Variants in LARGE1 observed in about 807,000 individuals in gnomAD.
LARGE1 encodes LARGE xylosyl- and glucuronyltransferase 1.
Under a neutral mutation model 87.6 loss-of-function variants are expected in LARGE1, and 43 were observed. The ratio of observed to expected loss-of-function variants is 0.49; its 90% CI spans 0.38 to 0.63. LARGE1 has a LOEUF of 0.63. LARGE1 is among the 30% of genes least tolerant of loss of function. The pLI is 0.00. For synonymous variants in LARGE1, 434 were observed against 394.6 expected, an observed-to-expected ratio of 1.10 and a Z score of -1.18; for missense variants, 802 against 1,000.2, an observed-to-expected ratio of 0.80 and a Z score of 2.67.
At chr22:33,818,501 T>C (rs2086724017) in intron 1 of LARGE1, among the ~76,000 whole-genome samples, 1 of 152,146 alleles carries the variant, frequency 6.6e-6, no homozygotes, top group African/African-American at 2.4e-5. Context: ...AGCTTGTAAC[T>C]GACCTGAGAG....
rs142978441 is a variant in LARGE1, at chr22:33,604,569, T to C, written c.492-11A>G. The C allele has an allele frequency of 5.5e-5, 88 of 1,613,624 alleles. No individual in the cohort carries two copies. The Middle Eastern group carries it at 1.2e-3, about 21-fold the overall frequency. The stretch of plus-strand genomic sequence containing the variant: ...TGCAGAGGGTTCCGTCTGTGGGGAG[T>C]GTGAGAAGGAAGGGTCAGGTGGAGA... On this transcript the variant is annotated splice_polypyrimidine_tract_variant and intron_variant, in intron 4 of 14. Transcript: ENST00000397394.
chr22:33,074,653 C>T, the LARGE1 span, among the ~76,000 whole-genome samples: 7 of 151,918 alleles, frequency 4.6e-5, no homozygotes, highest in East Asian at 1.9e-4. Flanking sequence ...CCAGCCTGGG[C>T]GACAGAGTGA....
At chr22:33,650,099 G>A (rs1234305911) in intron 3 of LARGE1, among the ~76,000 whole-genome samples, 2 of 152,168 alleles carry the variant, frequency 1.3e-5, no homozygotes, top group African/African-American at 4.8e-5. Context: ...AGAAACAAGC[G>A]GTAGGTTCCA....
At chr22:33,290,310 A>T (rs1932304668) in intron 12 of LARGE1, among the ~76,000 whole-genome samples, 1 of 152,200 alleles carries the variant, frequency 6.6e-6, no homozygotes, top group South Asian at 2.1e-4. Context: ...TGCACTGCCT[A>T]GTTCTGACAA....
Position 33,566,697 on chromosome 22 carries a change from C to A in LARGE1, c.616-1678G>T, listed in dbSNP as rs8138595. On this transcript the variant is annotated intron_variant, in intron 5 of 14. Transcript: ENST00000397394. ...TTTTATTCCCTTATTTCTCCCTGCC[C>A]ACATCCTGCTGATTGGTCCATTTTA... Among the ~76,000 whole-genome samples, 270 of 152,290 alleles carry A rather than the reference C, an allele frequency of 1.8e-3. 3 individuals carry two copies. The highest frequency in any genetic ancestry group is 6.3e-3 in the African/African-American group (263 of 41,562).
At chr22:33,444,373 A>G (rs928635436) in intron 6 of LARGE1, among the ~76,000 whole-genome samples, 1 of 152,136 alleles carries the variant, frequency 6.6e-6, no homozygotes, top group Non-Finnish European at 1.5e-5. Flanking sequence ...TTACTGCTTA[A>G]TTTTTTTCCC....
intron 12 of LARGE1, among the ~76,000 whole-genome samples, chr22:33,299,199 TGA>T (rs142610718): frequency 1.5e-5 from 2 of 132,210 alleles, no homozygotes; most frequent in Non-Finnish European, 1.6e-5. Flanking sequence ...AGCAACAGAG[TGA>T]GAGAGAGAGA....
At chr22:33,127,458 C>T in the LARGE1 span, among the ~76,000 whole-genome samples, 696 of 152,246 alleles carry the variant, frequency 4.6e-3, 4 homozygotes, top group African/African-American at 0.016. Flanking sequence ...ACCATCCAGG[C>T]GGCATGTCTT....
intron 11 of LARGE1, among the ~76,000 whole-genome samples, chr22:33,204,883 C>A (rs2146218124): frequency 6.6e-6 from 1 of 152,204 alleles, no homozygotes; most frequent in East Asian, 1.9e-4. Context: ...TGTCTGAAAG[C>A]AACACCAAGG....
In LARGE1 at chr22:33,301,438, A is replaced by G. The variant is rs114988273; in HGVS notation, c.1730+2791T>C. 4.0e-3 allele frequency among the ~76,000 whole-genome samples: 605 copies of G among 152,262 alleles called. 4 individuals are homozygous for G. The highest frequency in any genetic ancestry group is 0.014 in the African/African-American group (590 of 41,548). On this transcript the variant is annotated intron_variant, in intron 12 of 14. Transcript: ENST00000397394. ...GCATTTGAAATGATTTTTTTGCTCC[A>G]AATCATCATCTAAAAACAATTTTTA...
chr22:33,100,115 C>A, the LARGE1 span, among the ~76,000 whole-genome samples: 2 of 152,150 alleles, frequency 1.3e-5, no homozygotes, highest in South Asian at 4.1e-4. Context: ...GCGGGTGGAT[C>A]ACCTGAGGTC....
At chr22:33,872,725 C>T (rs973042387) in intron 1 of LARGE1, among the ~76,000 whole-genome samples, 3 of 152,268 alleles carry the variant, frequency 2.0e-5, no homozygotes, top group East Asian at 1.9e-4. Context: ...TGGCCAGGCG[C>T]GGTGGCTCAT....
chr22:33,346,743 A>G (rs888992404), intron 9 of LARGE1, among the ~76,000 whole-genome samples: 5 of 152,048 alleles, frequency 3.3e-5, no homozygotes, highest in African/African-American at 1.2e-4. Context: ...CTAACAGAAC[A>G]CTAACTTTGT....
intron 7 of LARGE1, among the ~76,000 whole-genome samples, chr22:33,385,705 G>A (rs984985025): frequency 2.7e-5 from 4 of 147,924 alleles, no homozygotes; most frequent in Non-Finnish European, 4.5e-5. Context: ...CCCTGAGCAC[G>A]GAACACAAAA....
intron 11 of LARGE1, among the ~76,000 whole-genome samples, chr22:33,195,749 C>CTT (rs201916623): frequency 9.5e-4 from 85 of 89,680 alleles, no homozygotes; most frequent in Non-Finnish European, 1.3e-3. Context: ...TTTCTTTTTT[C>CTT]TTTTTTCTTT....
chr22:33,181,379 G>A (rs1014857960), intron 11 of LARGE1, among the ~76,000 whole-genome samples: 6 of 151,932 alleles, frequency 3.9e-5, no homozygotes, highest in Non-Finnish European at 8.8e-5. Context: ...CAATTGATGA[G>A]CATAATATCT....
chr22:33,261,949 C>G (rs1384282516), intron 11 of LARGE1, among the ~76,000 whole-genome samples: 2 of 152,182 alleles, frequency 1.3e-5, no homozygotes, highest in Non-Finnish European at 1.5e-5. Context: ...TCTTGGCTCT[C>G]TTTTCCCACT....
intron 1 of LARGE1, among the ~76,000 whole-genome samples, chr22:33,915,028 C>T (rs943003764): frequency 2.0e-4 from 23 of 113,900 alleles, no homozygotes; most frequent in Admixed American, 1.9e-3. Flanking sequence ...CACACACACA[C>T]ACACACACAC....
chr22:33,506,707 C>T (rs2070782490), intron 6 of LARGE1, among the ~76,000 whole-genome samples: 1 of 152,098 alleles, frequency 6.6e-6, no homozygotes, highest in African/African-American at 2.4e-5. Flanking sequence ...TCGAGACCAG[C>T]CTGGCCAATA....
Sources: allele counts gnomAD v4.1 joint callset (sites outside exome capture counted in the v4.1 genomes callset), GRCh38; gene constraint gnomAD v4.1.1; transcripts MANE v1.5; gene names NCBI Gene and HGNC (gene_info 2026-07-23, HGNC 2026-07-21).